Variants in HERC2 observed in about 807,000 individuals in gnomAD.
The protein encoded by HERC2 is HECT and RLD domain containing E3 ubiquitin protein ligase 2.
HERC2 carries 102 observed loss-of-function variants against 537.7 expected under a neutral mutation model. The observed-to-expected ratio is 0.19, with a 90% CI of 0.16 to 0.22. HERC2 has a LOEUF of 0.22. HERC2 is among the 10% of genes least tolerant of loss of function. The probability of loss-of-function intolerance (pLI) is 1.00; values close to 1 mark genes in which losing one functional copy is unlikely to be tolerated. For missense variants in HERC2, 4,236 were observed against 6,198.2 expected, an observed-to-expected ratio of 0.68 and a Z score of 10.63; for synonymous variants, 2,224 against 2,466.2, an observed-to-expected ratio of 0.90 and a Z score of 2.91.
rs149498499 is a variant in HERC2, at chr15:28,214,752, G to A, written c.6261C>T (p.Thr2087=). Residue 2087 remains threonine, a synonymous_variant, in exon 40 of 93, where the codon ACC becomes ACT. Coordinates refer to ENST00000261609, the MANE Select transcript of HERC2 (RefSeq NM_004667.6). ...GGCATTTCATGTCCCTCGCCCTTTC[G>A]GTCTTGTCCCATGATGGAAGGACTG... ...LQAVLPSWDK[T]ERARDMKCLV... The A allele has an allele frequency of 2.3e-4, 364 of 1,611,570 alleles. 1 individual carries two copies. In the African/African-American group the frequency reaches 3.4e-3, roughly 15 times the overall value.
chr15:28,191,061 G>GA lies in HERC2; in HGVS notation c.8558-6dup, dbSNP rs762332016. On this transcript the variant is annotated splice_polypyrimidine_tract_variant and splice_region_variant and intron_variant, in intron 54 of 92. Transcript: ENST00000261609. ...GGTTATTCAGGGAATTTCCACCTAG[G>GA]AAAAAATGGGTAAAGAATCAAACAA... is the stretch of plus-strand genomic sequence containing the variant. The GA allele has an allele frequency of 1.5e-5, 24 of 1,604,734 alleles. No individual in the cohort carries two copies. Among genetic ancestry groups the GA allele is most frequent in the Non-Finnish European group, 2.0e-5 (24 of 1,172,252 alleles).
At chr15:28,150,163 TAGTGAAA>T (rs1373451033) in intron 70 of HERC2, among the ~76,000 whole-genome samples, 1 of 151,394 alleles carries the variant, frequency 6.6e-6, no homozygotes, top group Non-Finnish European at 1.5e-5. Flanking sequence ...ATGCACATTC[TAGTGAAA>T]TCACGAAAAA....
At chr15:28,140,847 A>G (rs534558989) in intron 78 of HERC2, among the ~76,000 whole-genome samples, 5 of 152,250 alleles carry the variant, frequency 3.3e-5, no homozygotes, top group Middle Eastern at 6.8e-3. Flanking sequence ...TTTAAAAGAT[A>G]GTATTTACAA....
At chr15:28,214,303 C>T (rs545453866) in intron 40 of HERC2, 31 bp from the exon 41 acceptor site, 3 of 1,559,714 alleles carry the variant, frequency 1.9e-6, no homozygotes, top group African/African-American at 2.7e-5. Context: ...GAAGCTGCTG[C>T]ACCGCTCTTC....
At chr15:28,209,407 G>A (rs1020902036) in intron 44 of HERC2, among the ~76,000 whole-genome samples, 2 of 151,508 alleles carry the variant, frequency 1.3e-5, no homozygotes, top group Admixed American at 6.6e-5. Context: ...GCAGTGACAC[G>A]ATCTCGCCTC....
intron 8 of HERC2, 84 bp downstream of exon 8, chr15:28,272,810 G>T: frequency 1.1e-6 from 1 of 878,314 alleles, no homozygotes; most frequent in Admixed American, 2.1e-5. Flanking sequence ...GGTCACAAAC[G>T]ATTCAGTGAA....
rs182462952 is a variant in HERC2, at chr15:28,122,155, G to C, written c.13189-726C>G. ...GGCTGGGATCACACTAAAAGAAATC[G>C]GGAGTGCCTGGGGTGAAGACAGCAG... is the stretch of plus-strand genomic sequence containing the variant. On this transcript the variant is annotated intron_variant, in intron 85 of 92. Transcript: ENST00000261609. This position sits in a 1 kb window ranked among gnomAD's most constrained non-coding sequence, Gnocchi z 4.1. Among the ~76,000 whole-genome samples, 471 of 152,306 alleles carry C rather than the reference G, an allele frequency of 3.1e-3. 2 individuals are homozygous for C. The highest frequency in any genetic ancestry group is 0.011 in the African/African-American group (448 of 41,556).
intron 38 of HERC2, among the ~76,000 whole-genome samples, chr15:28,217,157 G>A (rs1900014843): frequency 6.6e-6 from 1 of 152,068 alleles, no homozygotes; most frequent in Non-Finnish European, 1.5e-5. Flanking sequence ...AACCCTCACT[G>A]ACTTACACTG....
Position 28,260,857 on chromosome 15 carries a change from G to T in HERC2, c.2236C>A (p.Arg746Ser). The part of the protein sequence containing the change: ...NDQCQHFDTL[R>S]VTKPEPAALP... ...GCTGCAGGTTCTGGCTTGGTCACGC[G>T]CAAGGTGTCAAAGTGCTGGCACTGG... is the stretch of plus-strand genomic sequence containing the variant. Residue 746 changes from arginine (R) to serine (S), a missense_variant, in exon 16 of 93, where the codon CGC becomes AGC. Physicochemically the swap from Arg to Ser is moderately radical, Grantham distance 110. Around this residue, in one of 27 missense-constraint regions of HERC2, gnomAD observed 754 missense variants for 1,085.0 expected, o/e 0.69. Coordinates refer to ENST00000261609, the MANE Select transcript of HERC2 (RefSeq NM_004667.6). The T allele has an allele frequency of 6.2e-7, 1 of 1,614,196 alleles. No homozygotes were observed. Among genetic ancestry groups the T allele is most frequent in the Non-Finnish European group, 8.5e-7 (1 of 1,180,032 alleles).
At chr15:28,150,759 C>A (rs116842964) in intron 70 of HERC2, among the ~76,000 whole-genome samples, 1 of 151,390 alleles carries the variant, frequency 6.6e-6, no homozygotes, top group South Asian at 2.1e-4. Context: ...GCCACACGAA[C>A]GTATATTCTA....
At chr15:28,137,875 G>A (rs1182187663) in intron 78 of HERC2, among the ~76,000 whole-genome samples, 1 of 152,190 alleles carries the variant, frequency 6.6e-6, no homozygotes, top group Admixed American at 6.5e-5. Context: ...TGAATGCTAG[G>A]CCTCTTGCAC....
chr15:28,135,453 T>C, intron 79 of HERC2, 25 bp downstream of exon 79: 1 of 1,561,536 alleles, frequency 6.4e-7, no homozygotes, highest in South Asian at 1.1e-5. Context: ...AAATAGAATG[T>C]TGAAATAATT....
intron 2 of HERC2, among the ~76,000 whole-genome samples, chr15:28,307,159 G>A (rs571986891): frequency 1.3e-5 from 2 of 152,252 alleles, no homozygotes; most frequent in South Asian, 2.1e-4. Context: ...TTTCTTCCAC[G>A]TTTCCCAATT....
chr15:28,285,104 G>A (rs1281016678), intron 4 of HERC2, among the ~76,000 whole-genome samples: 16 of 151,966 alleles, frequency 1.1e-4, no homozygotes, highest in Admixed American at 2.0e-4. Flanking sequence ...TTTATAGTTG[G>A]AGACCTCAAA....
intron 76 of HERC2, 131 bp downstream of exon 76, chr15:28,142,107 T>A (rs1458677401): frequency 3.2e-6 from 3 of 951,464 alleles, no homozygotes; most frequent in Middle Eastern, 2.4e-4. Context: ...CATTTTCACC[T>A]ATGTGTTATT....
At chr15:28,271,392 G>GT (rs1348307348) in intron 9 of HERC2, among the ~76,000 whole-genome samples, 1 of 152,222 alleles carries the variant, frequency 6.6e-6, no homozygotes, top group Non-Finnish European at 1.5e-5. Context: ...GCTGGGCATG[G>GT]TGGCTCACGC....
At chr15:28,255,778 G>A in intron 19 of HERC2, 94 bp downstream of exon 19, 1 of 1,329,120 alleles carries the variant, frequency 7.5e-7, no homozygotes, top group East Asian at 2.3e-5. Flanking sequence ...TAAAAGTTTA[G>A]AGTTTTACTG....
chr15:28,261,031 T>C lies in HERC2; in HGVS notation c.2123-61A>G, dbSNP rs1197445796. The C allele has an allele frequency of 5.3e-6, 7 of 1,309,160 alleles. No homozygotes were observed. In the East Asian group the frequency reaches 1.5e-4, roughly 27 times the overall value. The allele number at this position is 1,309,160 out of a possible 1,614,324, so 81.1% of individuals were successfully genotyped here. A position where few individuals can be genotyped will look rare whatever the true frequency, so the allele number is the denominator to read the frequency against. ...CCTATGACTTCCGCTGCAAGAAAGATATTTCCTAGGCCATTCAGGTCAGAC... is the reference window on the plus strand; with the variant it reads ...CCTATGACTTCCGCTGCAAGAAAGACATTTCCTAGGCCATTCAGGTCAGAC... On this transcript the variant is annotated intron_variant, in intron 15 of 92. Transcript: ENST00000261609.
chr15:28,280,482 T>C (rs2075993137), intron 4 of HERC2, among the ~76,000 whole-genome samples, 195 bp from the exon 5 acceptor site: 1 of 152,172 alleles, frequency 6.6e-6, no homozygotes. Flanking sequence ...TGTCCATCCA[T>C]TTTATGGATG....
Sources: gnomAD v4.1 joint callset for allele counts (sites outside exome capture counted in the v4.1 genomes callset) on GRCh38, gnomAD v4.1.1 for gene constraint, gnomAD v4.1.1 regional missense constraint, Gnocchi (gnomAD v3.1) non-coding constraint, MANE v1.5 for transcripts, NCBI Gene and HGNC (gene_info 2026-07-23, HGNC 2026-07-21) for gene names.